The following PSG8 variants were observed in gnomAD, a reference collection of about 807,000 sequenced individuals.
PSG8 encodes pregnancy-specific beta-1-glycoprotein 8.
Under a neutral mutation model 42.5 loss-of-function variants are expected in PSG8, and 57 were observed. That is an observed-to-expected ratio of 1.34 (90% CI 1.08 to 1.67). The LOEUF is 1.67. Ranked by LOEUF, PSG8 falls within the 40% of genes most tolerant of loss-of-function variation. The pLI is 0.00. For missense variants in PSG8, 783 were observed against 518.6 expected (o/e 1.51, Z -4.95); for synonymous variants, 280 against 196.8 (o/e 1.42, Z -3.54).
chr19:42,756,860 C>G (rs1222926403), intron 3 of PSG8, among the ~76,000 whole-genome samples: 2 of 151,612 alleles, frequency 1.3e-5, no homozygotes, highest in East Asian at 3.9e-4. Context: ...ACAGTGTTTT[C>G]TAATTCTGCA....
Position 42,754,599 on chromosome 19 carries a change from A to G in PSG8, c.989-12T>C. The G allele has an allele frequency of 6.2e-7, 1 of 1,607,970 alleles. No homozygotes were observed. Among genetic ancestry groups the G allele is most frequent in the Admixed American group, 1.7e-5 (1 of 59,662 alleles). ...GAGGTCTGGACCATCTGGAGCAAAG[A>G]GAATAAAGCCACAGGTGATGTCATC... On this transcript the variant is annotated splice_polypyrimidine_tract_variant and intron_variant, in intron 4 of 4. Transcript: ENST00000306511.
chr19:42,765,277 C>T (rs1429793222), intron 1 of PSG8, among the ~76,000 whole-genome samples: 9 of 151,944 alleles, frequency 5.9e-5, no homozygotes, highest in Admixed American at 1.3e-4. Flanking sequence ...CTCAGCCTCC[C>T]GAGTAGCTAG....
rs751580404 is a variant in PSG8 at position 42,763,937 on chromosome 19, G to C, written c.409C>G (p.His137Asp). The C allele has an allele frequency of 1.2e-6, 2 of 1,613,606 alleles. No homozygotes were observed. The highest frequency in any genetic ancestry group is 2.2e-5 in the East Asian group (1 of 44,868). The change falls in exon 2 of 5, where the codon CAT (histidine) becomes GAT (aspartate). Residue 137 changes from histidine to aspartate, a missense_variant. His to Asp is a moderately conservative substitution (Grantham distance 81, BLOSUM62 -1). Coordinates refer to ENST00000306511, the MANE Select transcript of PSG8 (RefSeq NM_182707.3). The stretch of plus-strand genomic sequence containing the variant: ...TCACGATATAAGGTGAAGGTGAAAT[G>C]TCCAGTTACTCCTCTATTCTCATCA... ...GGDENRGVTG[H>D]FTFTLYLETP...
At position 42,754,540 on chromosome 19, in the gene PSG8, A is replaced by G; in HGVS notation, c.1036T>C (p.Ser346Pro). 1 of 1,613,740 alleles carries G rather than the reference A, an allele frequency of 6.2e-7. No homozygotes were observed. Among genetic ancestry groups the G allele is most frequent in the Middle Eastern group, 1.7e-4 (1 of 6,052 alleles). Residue 346 changes from serine to proline, a missense_variant, in exon 5 of 5, where the codon TCA (serine) becomes CCA (proline). Physicochemically the swap from Ser to Pro is moderately conservative, Grantham distance 74. Transcript: ENST00000306511. ...RIYPSFTYYR[S>P]GEVLYLSCSA... is the part of the protein sequence containing the mutation. Reference sequence around the variant, plus strand: ...CAGGACAAGTAGAGGACTTCTCCTGAACGGTAATAGGTGAATGAAGGGTAA... The same window carrying G: ...CAGGACAAGTAGAGGACTTCTCCTGGACGGTAATAGGTGAATGAAGGGTAA...
At chr19:42,763,742 T>C (rs1366430674) in intron 2 of PSG8, 174 bp downstream of exon 2, 32 of 1,287,650 alleles carry the variant, frequency 2.5e-5, no homozygotes, top group Non-Finnish European at 3.3e-6. Flanking sequence ...AAAGGAATTC[T>C]GATCTGTTGA....
chr19:42,764,729 G>T (rs1472448523), intron 1 of PSG8, among the ~76,000 whole-genome samples: 1 of 151,990 alleles, frequency 6.6e-6, no homozygotes, highest in Non-Finnish European at 1.5e-5. Context: ...TTACATTCTA[G>T]ATCTCTTTGC....
In PSG8 at chr19:42,763,957, T is replaced by C. The variant is rs746456815; in HGVS notation, c.389A>G (p.Glu130Gly). 1.2e-5 allele frequency: 19 copies of C among 1,613,372 alleles called. No homozygotes were observed. The highest frequency in any genetic ancestry group is 1.6e-4 in the Middle Eastern group (1 of 6,066). Residue 130 changes from glutamate to glycine, a missense_variant, in exon 2 of 5, where the codon GAG (glutamate) becomes GGG (glycine). Coordinates refer to ENST00000306511, the MANE Select transcript of PSG8 (RefSeq NM_182707.3). ...YTLHIIMGGD[E>G]NRGVTGHFTF... ...GAAATGTCCAGTTACTCCTCTATTC[T>C]CATCACCTCCCATTATGATGTGTAA...
chr19:42,761,514 C>T (rs1201937531), intron 2 of PSG8, among the ~76,000 whole-genome samples: 1 of 152,134 alleles, frequency 6.6e-6, no homozygotes, highest in Admixed American at 6.5e-5. Context: ...GTTTCTCATT[C>T]TTTTGCATTC....
chr19:42,757,127 C>G (rs1969946462), intron 3 of PSG8, among the ~76,000 whole-genome samples: 1 of 151,960 alleles, frequency 6.6e-6, no homozygotes, highest in South Asian at 2.1e-4. Context: ...CCTTAATTTC[C>G]TTTCGGATTG....
At chr19:42,756,508 T>C (rs1335970695) in intron 3 of PSG8, among the ~76,000 whole-genome samples, 2 of 152,136 alleles carry the variant, frequency 1.3e-5, no homozygotes, top group Non-Finnish European at 2.9e-5. Flanking sequence ...TACTTACTGG[T>C]TTAGCATCCC....
intron 3 of PSG8, among the ~76,000 whole-genome samples, chr19:42,756,789 CTT>C (rs1568375744): frequency 6.6e-6 from 1 of 151,942 alleles, no homozygotes; most frequent in Non-Finnish European, 1.5e-5. Flanking sequence ...ATGGTTGCCT[CTT>C]TTTCTCAGTG....
intron 2 of PSG8, among the ~76,000 whole-genome samples, chr19:42,762,918 G>T (rs771851225): frequency 7.2e-5 from 11 of 152,220 alleles, no homozygotes; most frequent in South Asian, 6.2e-4. Flanking sequence ...TGAGCCTGTG[G>T]CTGCGGACAC....
At chr19:42,752,746 C>A (rs1390205515), downstream of PSG8, 1 of 169,572 alleles carries the variant, frequency 5.9e-6, no homozygotes, top group Non-Finnish European at 1.3e-5. Flanking sequence ...TCACATTTTA[C>A]AATGTATCTC....
At chr19:42,762,478 G>T (rs536036470) in intron 2 of PSG8, among the ~76,000 whole-genome samples, 1 of 152,174 alleles carries the variant, frequency 6.6e-6, no homozygotes, top group African/African-American at 2.4e-5. Flanking sequence ...AAACTCCTAG[G>T]ATTCTGCATG....
In PSG8 at chr19:42,755,236, T is replaced by C. The variant is rs528667542; in HGVS notation, c.740A>G (p.Asn247Ser). Residue 247 changes from asparagine (N) to serine (S), a missense_variant, in exon 4 of 5, where the codon AAC (asparagine) becomes AGC (serine). Transcript: ENST00000306511. ...CTTATTCTCCCTGGGTTTTAAGTTG[T>C]TGATGGTGATGTAGGGCTTGGGCAG... ...PKLPKPYITI[N>S]NLKPRENKDV... is the part of the protein sequence containing the mutation. 1.2e-6 allele frequency: 2 copies of C among 1,612,202 alleles called. No individual in the cohort carries two copies. The highest frequency in any genetic ancestry group is 2.2e-5 in the East Asian group (1 of 44,884).
chr19:42,764,445 CTGTG>C (rs1251905432), intron 1 of PSG8, among the ~76,000 whole-genome samples, 164 bp from the exon 2 acceptor site: 2 of 151,664 alleles, frequency 1.3e-5, no homozygotes, highest in Admixed American at 1.3e-4. Flanking sequence ...GCATGTGTGT[CTGTG>C]TGTGTGTATG....
rs1176524770 is a variant in PSG8, at chr19:42,754,338, A to C, written c.1238T>G (p.Val413Gly). The change falls in exon 5 of 5, where the codon GTC becomes GGC. Residue 413 changes from valine (V) to glycine (G), a missense_variant. Physicochemically the swap from Val to Gly is moderately radical, Grantham distance 109 (BLOSUM62 -3). Coordinates refer to ENST00000306511, the MANE Select transcript of PSG8 (RefSeq NM_182707.3). ...KESSKSMTVK[V>G]SGKRIPVSLA... Reference sequence around the variant, plus strand: ...GGATACTGGGATCCGCTTACCAGAGACTTTTACTGTCATGGATTTGGAGCT... The same window carrying C: ...GGATACTGGGATCCGCTTACCAGAGCCTTTTACTGTCATGGATTTGGAGCT... 1 of 1,613,736 alleles carries C rather than the reference A, an allele frequency of 6.2e-7. No individual in the cohort carries two copies. Among genetic ancestry groups the C allele is most frequent in the African/African-American group, 1.3e-5 (1 of 74,980 alleles).
At chr19:42,754,836 C>T (rs1248248376) in intron 4 of PSG8, 152 bp downstream of exon 4, 4 of 1,501,754 alleles carry the variant, frequency 2.7e-6, no homozygotes, top group African/African-American at 2.8e-5. Context: ...TGTGCCTACC[C>T]AGGTTTTCCC....
At chr19:42,757,010 T>C (rs1234464933) in intron 3 of PSG8, among the ~76,000 whole-genome samples, 1 of 152,040 alleles carries the variant, frequency 6.6e-6, no homozygotes, top group Non-Finnish European at 1.5e-5. Context: ...CTTTAACTTG[T>C]TTCAGCAATC....
Sources: gnomAD v4.1 joint callset for allele counts (sites outside exome capture counted in the v4.1 genomes callset) on GRCh38, gnomAD v4.1.1 for gene constraint, MANE v1.5 for transcripts, NCBI Gene and HGNC (gene_info 2026-07-23, HGNC 2026-07-21) for gene names.